GATAD2A: variants seen among roughly 807,000 people sequenced by gnomAD.
GATAD2A encodes the protein GATA zinc finger domain containing 2A.
Under a neutral mutation model 68.5 loss-of-function variants are expected in GATAD2A, and 12 were observed. The observed-to-expected ratio is 0.18, with a 90% CI of 0.11 to 0.28. The LOEUF (loss-of-function observed/expected upper bound fraction) is 0.28. Ranked by LOEUF, GATAD2A falls within the 10% of genes least tolerant of loss-of-function variation. The pLI, the probability that GATAD2A is intolerant of heterozygous loss-of-function variation, is 1.00. For synonymous variants in GATAD2A, 410 were observed against 375.3 expected (o/e 1.09, Z -1.07); for missense variants, 755 against 868.5 (o/e 0.87, Z 1.64).
intron 1 of GATAD2A, among the ~76,000 whole-genome samples, chr19:19,452,731 T>A (rs1052389310): frequency 2.2e-4 from 33 of 152,018 alleles, no homozygotes; most frequent in Admixed American, 2.2e-3. Context: ...ACGCAGACCT[T>A]TAGCCACCCA....
chr19:19,425,610 G>A (rs1218538494), intron 1 of GATAD2A, among the ~76,000 whole-genome samples: 1 of 152,134 alleles, frequency 6.6e-6, no homozygotes, highest in African/African-American at 2.4e-5. Flanking sequence ...TCTTGTTCCA[G>A]TTGGGTACCT....
rs2060861213 is a variant in GATAD2A at position 19,506,221 on chromosome 19, C to T, written c.*747C>T. 7.5e-6 allele frequency: 3 copies of T among 398,780 alleles called. No homozygotes were observed. The highest frequency in any genetic ancestry group is 2.6e-4 in the South Asian group (2 of 7,798). The allele number at this position is 398,780 out of a possible 1,614,324, so 24.7% of individuals were successfully genotyped here. ...TTGCTGCTTGTTCTGGAGACCCCCG[C>T]CCCCGCACCTTCCAGACTTAGCAGA... is the stretch of plus-strand genomic sequence containing the variant. On this transcript the variant is annotated 3_prime_UTR_variant, in exon 12 of 12. Transcript: ENST00000683918.
chr19:19,447,577 C>T (rs1256523529), intron 1 of GATAD2A, among the ~76,000 whole-genome samples: 1 of 152,226 alleles, frequency 6.6e-6, no homozygotes, highest in Non-Finnish European at 1.5e-5. Flanking sequence ...TGTCCCAGCC[C>T]TTACAGCTGT....
chr19:19,419,952 G>A (rs2052146074), intron 1 of GATAD2A, among the ~76,000 whole-genome samples: 1 of 150,762 alleles, frequency 6.6e-6, no homozygotes, highest in African/African-American at 2.5e-5. Flanking sequence ...GCTGACCTGG[G>A]TCTGGATTCC....
Position 19,495,842 on chromosome 19 carries a change from C to A in GATAD2A, c.713C>A (p.Ala238Glu). 6.2e-7 allele frequency: 1 copy of A among 1,613,184 alleles called. No homozygotes were observed. The highest frequency in any genetic ancestry group is 8.5e-7 in the Non-Finnish European group (1 of 1,179,708). ...GCGTCCTCGAAGCTGGGGCCACAGG[C>A]GAGCTCACAGGTCGTCATGCCCCCA... ...QQASSKLGPQ[A>E]SSQVVMPPLV... The change falls in exon 6 of 12, where the codon GCG becomes GAG. Residue 238 changes from alanine to glutamate, a missense_variant. Physicochemically the swap from Ala to Glu is moderately radical, Grantham distance 107. Transcript: ENST00000683918.
At chr19:19,475,483 C>CG (rs923932215) in intron 2 of GATAD2A, among the ~76,000 whole-genome samples, 3 of 88,002 alleles carry the variant, frequency 3.4e-5, no homozygotes, top group South Asian at 3.1e-4. Flanking sequence ...CTCTCTGGAG[C>CG]CCCCCCCCCT....
In GATAD2A at chr19:19,436,105, GTTTC is replaced by G. The variant is rs2054309294; in HGVS notation, c.-6-29229_-6-29226del. 2.3e-6 allele frequency: 3 copies of G among 1,276,972 alleles called. No individual in the cohort carries two copies. The South Asian group carries it at 3.5e-5, about 15-fold the overall frequency. 79.1% of individuals were successfully genotyped at this position (1,276,972 alleles called of 1,614,324 possible). A position where few individuals can be genotyped will look rare whatever the true frequency, so the allele number is the denominator to read the frequency against. ...CAGAAACCTTGCTTGGAAACACAGT[GTTTC>G]TTTCTCTGTCCTTTGCTTTAGGTTG... On this transcript the variant is annotated intron_variant, in intron 1 of 11. Coordinates refer to ENST00000683918, the MANE Select transcript of GATAD2A (RefSeq NM_001384528.1).
At chr19:19,408,667 A>G (rs1213227829) in intron 1 of GATAD2A, among the ~76,000 whole-genome samples, 2 of 152,202 alleles carry the variant, frequency 1.3e-5, no homozygotes, top group Non-Finnish European at 2.9e-5. Context: ...AGATTGATAT[A>G]TTCAACAAAT....
At chr19:19,492,514 T>G in intron 3 of GATAD2A, 67 bp from the exon 4 acceptor site, 1 of 1,611,364 alleles carries the variant, frequency 6.2e-7, no homozygotes, top group Non-Finnish European at 8.5e-7. Flanking sequence ...GTGGAGCTAG[T>G]GATGGCAGGG....
At chr19:19,432,039 G>A (rs781780089) in intron 1 of GATAD2A, among the ~76,000 whole-genome samples, 13 of 152,044 alleles carry the variant, frequency 8.6e-5, no homozygotes, top group Non-Finnish European at 1.5e-4. Context: ...GCAATGGTGC[G>A]ATCTCAGCTC....
At chr19:19,425,406 CTG>C (rs2052960371) in intron 1 of GATAD2A, among the ~76,000 whole-genome samples, 2 of 152,280 alleles carry the variant, frequency 1.3e-5, no homozygotes, top group South Asian at 2.1e-4. Context: ...CAAGAGGACT[CTG>C]TGCTTTGTGG....
intron 1 of GATAD2A, among the ~76,000 whole-genome samples, chr19:19,386,398 G>A (rs1320987353): frequency 2.6e-5 from 4 of 151,158 alleles, no homozygotes; most frequent in Non-Finnish European, 5.9e-5. Context: ...CTCTCCAGGA[G>A]ACCCTTGCCT....
intron 8 of GATAD2A, 35 bp from the exon 9 acceptor site, chr19:19,501,083 C>T: frequency 1.9e-6 from 3 of 1,580,046 alleles, no homozygotes; most frequent in Middle Eastern, 1.7e-4. Flanking sequence ...GTCGTCCTGG[C>T]CCTCTGACGT....
chr19:19,419,289 G>A (rs2052041319), intron 1 of GATAD2A, among the ~76,000 whole-genome samples: 1 of 152,138 alleles, frequency 6.6e-6, no homozygotes, highest in African/African-American at 2.4e-5. Context: ...GACCCAGGCC[G>A]GGTAGTATTT....
At chr19:19,453,171 C>T (rs1033200204) in intron 1 of GATAD2A, among the ~76,000 whole-genome samples, 11 of 152,138 alleles carry the variant, frequency 7.2e-5, no homozygotes, top group African/African-American at 2.4e-4. Flanking sequence ...TGGGCTTATG[C>T]CCCTCAGGTC....
intron 1 of GATAD2A, among the ~76,000 whole-genome samples, chr19:19,387,321 CCTTT>C (rs766889984): frequency 1.7e-4 from 26 of 151,592 alleles, no homozygotes; most frequent in Non-Finnish European, 2.9e-4. Flanking sequence ...GACTTGTCCC[CCTTT>C]CTTTTTTTTT....
intron 2 of GATAD2A, among the ~76,000 whole-genome samples, chr19:19,477,089 C>T (rs1392849512): frequency 2.0e-5 from 3 of 152,130 alleles, no homozygotes; most frequent in Admixed American, 1.3e-4. Context: ...TGTAAAGTCA[C>T]AGTGCTGAGA....
Position 19,446,093 on chromosome 19 carries a change from A to G in GATAD2A, c.-6-19247A>G, listed in dbSNP as rs187462676. Among the ~76,000 whole-genome samples the G allele has an allele frequency of 1.1e-4, 16 of 152,126 alleles. No homozygotes were observed. The East Asian group carries it at 2.3e-3, about 22-fold the overall frequency. On this transcript the variant is annotated intron_variant, in intron 1 of 11. Coordinates refer to ENST00000683918, the MANE Select transcript of GATAD2A (RefSeq NM_001384528.1). ...TTTCCACTGTTTTCCACGTCACTCT[A>G]CCGTTTTACTTTCCACCGTTTTCCA... is the stretch of plus-strand genomic sequence containing the variant.
intron 1 of GATAD2A, among the ~76,000 whole-genome samples, chr19:19,417,873 T>C (rs2051844467): frequency 1.3e-5 from 2 of 152,088 alleles, no homozygotes; most frequent in African/African-American, 4.8e-5. Flanking sequence ...TTGACAACTG[T>C]TGGAGTGCCT....
Sources: allele counts gnomAD v4.1 joint callset (sites outside exome capture counted in the v4.1 genomes callset), GRCh38; gene constraint gnomAD v4.1.1; transcripts MANE v1.5; gene names NCBI Gene and HGNC (gene_info 2026-07-23, HGNC 2026-07-21).